Variants in PNPLA4 observed in about 807,000 individuals in gnomAD.
PNPLA4 encodes the protein patatin-like phospholipase domain-containing protein 4.
In PNPLA4, 15 loss-of-function variants were observed where a neutral mutation model predicts 18.3. That is an observed-to-expected ratio of 0.82 (90% CI 0.55 to 1.26). The LOEUF (loss-of-function observed/expected upper bound fraction) is 1.26. Ranked by LOEUF, PNPLA4 falls within the 50% of genes most tolerant of loss-of-function variation. The probability of loss-of-function intolerance (pLI) is 0.00; values close to 1 mark genes in which losing one functional copy is unlikely to be tolerated. For missense variants in PNPLA4, 229 were observed against 196.8 expected (o/e 1.16, Z -0.98); for synonymous variants, 88 against 85.6 (o/e 1.03, Z -0.16).
chrX:7,903,603 G>A (rs746600403), intron 5 of PNPLA4, among the ~76,000 whole-genome samples: 4 of 111,324 alleles, frequency 3.6e-5, no homozygotes, highest in Non-Finnish European at 7.5e-5. Context: ...CTGGCCAATT[G>A]TGTTTATTTC....
rs993860107 is a variant in PNPLA4 at position 7,899,290 on chromosome X, G to C, written c.*1396C>G. ...GAAATGCGTGACAATTGAAGACATGGAATTAAATTGGTTTGTCTCTAACTG... is the reference window on the plus strand; with the variant it reads ...GAAATGCGTGACAATTGAAGACATGCAATTAAATTGGTTTGTCTCTAACTG... On this transcript the variant is annotated 3_prime_UTR_variant, in exon 7 of 7. Transcript: ENST00000381042. The C allele has an allele frequency of 9.0e-6, 1 of 111,249 alleles. No homozygotes were observed. The highest frequency in any genetic ancestry group is 9.6e-5 in the Admixed American group (1 of 10,427). 9.2% of individuals were successfully genotyped at this position (111,249 alleles called of 1,213,427 possible). A position where few individuals can be genotyped will look rare whatever the true frequency, so the allele number is the denominator to read the frequency against.
intron 4 of PNPLA4, among the ~76,000 whole-genome samples, chrX:7,918,909 G>A (rs1924128724): frequency 8.9e-6 from 1 of 112,176 alleles, no homozygotes; most frequent in Non-Finnish European, 1.9e-5. Context: ...TGCTTCATGA[G>A]TATTCCAGGC....
chrX:7,913,441 G>T (rs1923939548), intron 4 of PNPLA4, among the ~76,000 whole-genome samples: 1 of 112,330 alleles, frequency 8.9e-6, no homozygotes, highest in Non-Finnish European at 1.9e-5. Context: ...AGGCCTGGTT[G>T]TAACAGCTCC....
chrX:7,912,384 CTGAG>C (rs1198092464), intron 4 of PNPLA4, among the ~76,000 whole-genome samples: 1 of 111,994 alleles, frequency 8.9e-6, no homozygotes, highest in Non-Finnish European at 1.9e-5. Context: ...GTCTAAGTTC[CTGAG>C]TATGTAAAGG....
Position 7,899,670 on chromosome X carries a change from A to AGAGAGAGAGG in PNPLA4, c.*1015_*1016insCCTCTCTCTC. 1 of 103,671 alleles carries AGAGAGAGAGG rather than the reference A, an allele frequency of 9.6e-6. No homozygotes were observed. Among genetic ancestry groups the AGAGAGAGAGG allele is most frequent in the African/African-American group, 3.5e-5 (1 of 28,525 alleles). 8.5% of individuals were successfully genotyped at this position (103,671 alleles called of 1,213,427 possible). ...GAGAGAGAGAGAGAGAGAGAGAGAGAGAGAGAGAGAATGAATGACAACCAG... is the reference window on the plus strand; with the variant it reads ...GAGAGAGAGAGAGAGAGAGAGAGAGAGAGAGAGAGGGAGAGAGAGAATGAATGACAACCAG... On this transcript the variant is annotated 3_prime_UTR_variant, in exon 7 of 7. Transcript: ENST00000381042.
intron 4 of PNPLA4, among the ~76,000 whole-genome samples, chrX:7,918,262 C>T (rs1924106490): frequency 9.0e-6 from 1 of 111,701 alleles, no homozygotes; most frequent in South Asian, 3.8e-4. Flanking sequence ...GTTTAATGGC[C>T]TCACAATTCC....
intron 6 of PNPLA4, among the ~76,000 whole-genome samples, chrX:7,901,413 C>G (rs1923526823): frequency 9.1e-6 from 1 of 110,322 alleles, no homozygotes; most frequent in African/African-American, 3.3e-5. Flanking sequence ...GAGACTTTGT[C>G]TCTGCAAATA....
intron 4 of PNPLA4, 54 bp from the exon 5 acceptor site, chrX:7,912,147 C>A: frequency 3.3e-6 from 3 of 920,260 alleles, no homozygotes; most frequent in Non-Finnish European, 4.7e-6. Context: ...AACATTCAGA[C>A]AATACAGTTG....
At chrX:7,922,910 T>TG (rs1334757365) in intron 2 of PNPLA4, among the ~76,000 whole-genome samples, 1 of 112,142 alleles carries the variant, frequency 8.9e-6, no homozygotes, top group African/African-American at 3.2e-5. Context: ...GAGTCATAAG[T>TG]GCCTCCAAGA....
At chrX:7,902,500 T>C (rs1923570664) in intron 5 of PNPLA4, among the ~76,000 whole-genome samples, 1 of 112,185 alleles carries the variant, frequency 8.9e-6, no homozygotes, top group Non-Finnish European at 1.9e-5. Flanking sequence ...CAGAGGAGGT[T>C]CCATTTTTAT....
At position 7,901,969 on chromosome X, in the gene PNPLA4, C is replaced by T; in HGVS notation, c.630+20G>A. ...TAGTAGATCAGAACTCTTCAAATAT[C>T]ACTGAACATAATTACTCACCATGAT... On this transcript the variant is annotated intron_variant, in intron 6 of 6. Coordinates refer to ENST00000381042, the MANE Select transcript of PNPLA4 (RefSeq NM_004650.3). The T allele has an allele frequency of 8.4e-7, 1 of 1,197,369 alleles. No homozygotes were observed. The highest frequency in any genetic ancestry group is 1.1e-6 in the Non-Finnish European group (1 of 885,896).
At chrX:7,912,406 T>C (rs1208997228) in intron 4 of PNPLA4, among the ~76,000 whole-genome samples, 4 of 112,178 alleles carry the variant, frequency 3.6e-5, no homozygotes, top group Non-Finnish European at 7.5e-5. Context: ...AGGTTACAGA[T>C]AAATTATATG....
At chrX:7,916,956 A>G (rs1304714981) in intron 4 of PNPLA4, among the ~76,000 whole-genome samples, 3 of 112,227 alleles carry the variant, frequency 2.7e-5, no homozygotes, top group African/African-American at 9.7e-5. Flanking sequence ...TTGTCAGTAC[A>G]GTTACTATAA....
At chrX:7,920,453 G>A (rs142579671) in intron 4 of PNPLA4, among the ~76,000 whole-genome samples, 1,332 of 112,156 alleles carry the variant, frequency 0.012, 14 homozygotes, top group Non-Finnish European at 0.02. Context: ...AGAGAATGAC[G>A]TAATAGGGAT....
chrX:7,927,378 C>G lies in PNPLA4; in HGVS notation c.-106G>C, dbSNP rs1924465849. ...ACTCAACGCCATTCCGCCACCAAGG[C>G]CGCGCTACGCTCTCCGCGAGCCGGC... On this transcript the variant is annotated 5_prime_UTR_variant, in exon 1 of 7. Transcript: ENST00000381042. 1 of 113,413 alleles carries G rather than the reference C, an allele frequency of 8.8e-6. No individual in the cohort carries two copies. Among genetic ancestry groups the G allele is most frequent in the African/African-American group, 3.2e-5 (1 of 31,330 alleles). 9.3% of individuals were successfully genotyped at this position (113,413 alleles called of 1,213,427 possible). A position where few individuals can be genotyped will look rare whatever the true frequency, so the allele number is the denominator to read the frequency against.
rs1040624533 is a variant in PNPLA4 at position 7,915,636 on chromosome X, C to T, written c.412-3543G>A. Among the ~76,000 whole-genome samples the T allele has an allele frequency of 4.5e-5, 5 of 111,782 alleles. No individual in the cohort carries two copies. The East Asian group carries it at 8.4e-4, about 19-fold the overall frequency. The stretch of plus-strand genomic sequence containing the variant: ...TAAAACATCGCCAGGTGCGCATTCC[C>T]GACACGTTCTGATTGACTCTCTTCA... On this transcript the variant is annotated intron_variant, in intron 4 of 6. Coordinates refer to ENST00000381042, the MANE Select transcript of PNPLA4 (RefSeq NM_004650.3).
intron 5 of PNPLA4, among the ~76,000 whole-genome samples, chrX:7,911,087 GGTAT>G (rs200033869): frequency 0.027 from 2,993 of 109,671 alleles, 90 homozygotes; most frequent in Admixed American, 0.1. Context: ...GCGTATTTCT[GGTAT>G]GTGTTAAATA....
At chrX:7,914,472 A>T (rs180880619) in intron 4 of PNPLA4, among the ~76,000 whole-genome samples, 6 of 112,184 alleles carry the variant, frequency 5.3e-5, no homozygotes, top group Admixed American at 4.7e-4. Flanking sequence ...ACCTGACCTT[A>T]TCATCAATTG....
intron 6 of PNPLA4, among the ~76,000 whole-genome samples, chrX:7,901,028 C>CT (rs1923515478): frequency 9.0e-6 from 1 of 111,667 alleles, no homozygotes; most frequent in Non-Finnish European, 1.9e-5. Flanking sequence ...GCCACGACGT[C>CT]TTAACTGTGG....
Sources: gnomAD v4.1 joint callset for allele counts (sites outside exome capture counted in the v4.1 genomes callset) on GRCh38, gnomAD v4.1.1 for gene constraint, MANE v1.5 for transcripts, NCBI Gene and HGNC (gene_info 2026-07-23, HGNC 2026-07-21) for gene names.